The following CA10 variants were observed in gnomAD, a reference collection of about 807,000 sequenced individuals.
The protein encoded by CA10 is carbonic anhydrase-related protein 10.
A neutral mutation model predicts 44.2 loss-of-function variants in CA10; 14 were observed. The ratio of observed to expected loss-of-function variants is 0.32; its 90% CI spans 0.21 to 0.50. The LOEUF is 0.50. CA10 is among the 20% of genes least tolerant of loss of function. The pLI is 0.99. For missense variants in CA10, 350 were observed against 409.7 expected (o/e 0.85, Z 1.26); for synonymous variants, 159 against 141.6 (o/e 1.12, Z -0.87).
chr17:52,037,164 G>A (rs1056817860), intron 2 of CA10, among the ~76,000 whole-genome samples: 1 of 152,150 alleles, frequency 6.6e-6, no homozygotes, highest in Non-Finnish European at 1.5e-5. Flanking sequence ...TCAAAAGAAA[G>A]ATCTTGGCTA....
At chr17:51,994,208 T>C (rs1985144211) in intron 2 of CA10, among the ~76,000 whole-genome samples, 1 of 152,002 alleles carries the variant, frequency 6.6e-6, no homozygotes, top group South Asian at 2.1e-4. Flanking sequence ...AGCCCCATGG[T>C]CCATTGAGGT....
At position 51,682,676 on chromosome 17, in the gene CA10, A is replaced by G. The variant is rs1044280681; in HGVS notation, c.466-28940T>C. ...CCATTTACCCCACCTACCCATGGCC[A>G]TATATTCTATGAGAACATTCTGAAA... On this transcript the variant is annotated intron_variant, in intron 4 of 8. Transcript: ENST00000451037. Among the ~76,000 whole-genome samples, 3 of 152,346 alleles carry G rather than the reference A, an allele frequency of 2.0e-5. No individual in the cohort carries two copies. The East Asian group carries it at 5.8e-4, about 29-fold the overall frequency.
chr17:51,807,227 T>G (rs1598054542), intron 3 of CA10, among the ~76,000 whole-genome samples: 1 of 152,344 alleles, frequency 6.6e-6, no homozygotes, highest in African/African-American at 2.4e-5. Flanking sequence ...GCATGGAATT[T>G]GCAGCTGGAG....
chr17:51,711,092 C>T lies in CA10; in HGVS notation c.465+36541G>A, dbSNP rs141397888. Among the ~76,000 whole-genome samples, 34 of 152,002 alleles carry T rather than the reference C, an allele frequency of 2.2e-4. No homozygotes were observed. The East Asian group carries it at 6.0e-3, about 27-fold the overall frequency. On this transcript the variant is annotated intron_variant, in intron 4 of 8. Transcript: ENST00000451037. The stretch of plus-strand genomic sequence containing the variant: ...TGAAGCGAAACTTGCAAACAGAAAA[C>T]GCGACGTATAAAAGGATGCTTAGAT...
chr17:51,726,819 T>C (rs748942819), intron 4 of CA10, among the ~76,000 whole-genome samples: 4 of 152,192 alleles, frequency 2.6e-5, no homozygotes, highest in Admixed American at 6.5e-5. Flanking sequence ...AAAAAGACTT[T>C]AGAGATTTTT....
At chr17:51,916,983 T>G (rs1982025252) in intron 3 of CA10, among the ~76,000 whole-genome samples, 1 of 152,158 alleles carries the variant, frequency 6.6e-6, no homozygotes, top group Non-Finnish European at 1.5e-5. Context: ...TCCACCTGGG[T>G]TTACTTTTTA....
At chr17:51,875,006 TCTTTCTTTGTTGCCCAGG>T (rs1980004186) in intron 3 of CA10, among the ~76,000 whole-genome samples, 1 of 151,404 alleles carries the variant, frequency 6.6e-6, no homozygotes, top group Non-Finnish European at 1.5e-5. Context: ...TTTCTTAGGG[TCTTTCTTTGTTGCCCAGG>T]CTGGAGTGGT....
intron 4 of CA10, among the ~76,000 whole-genome samples, chr17:51,655,573 T>A (rs1255901712): frequency 6.6e-6 from 1 of 152,226 alleles, no homozygotes; most frequent in East Asian, 1.9e-4. Flanking sequence ...TGGGTGCTTT[T>A]AAAGCCCACC....
chr17:51,711,395 G>A (rs1267136430), intron 4 of CA10, among the ~76,000 whole-genome samples: 2 of 152,184 alleles, frequency 1.3e-5, no homozygotes, highest in Non-Finnish European at 2.9e-5. Flanking sequence ...ACAAAATCCT[G>A]CAAAGACAGA....
At chr17:51,877,541 G>T (rs1460445174) in intron 3 of CA10, among the ~76,000 whole-genome samples, 1 of 152,078 alleles carries the variant, frequency 6.6e-6, no homozygotes, top group Admixed American at 6.5e-5. Flanking sequence ...TAATGCATTA[G>T]CAGAACTACT....
intron 4 of CA10, among the ~76,000 whole-genome samples, chr17:51,708,406 T>G (rs1452694161): frequency 6.6e-6 from 1 of 152,202 alleles, no homozygotes; most frequent in Non-Finnish European, 1.5e-5. Flanking sequence ...AATTTGTTGT[T>G]GTTTATTAAA....
At chr17:51,705,635 G>A (rs1187300768) in intron 4 of CA10, among the ~76,000 whole-genome samples, 1 of 151,998 alleles carries the variant, frequency 6.6e-6, no homozygotes, top group African/African-American at 2.4e-5. Flanking sequence ...AAAAAAAAAT[G>A]CCTCAAAAGA....
chr17:51,816,054 A>G (rs1284985808), intron 3 of CA10, among the ~76,000 whole-genome samples: 2 of 151,960 alleles, frequency 1.3e-5, no homozygotes, highest in Non-Finnish European at 2.9e-5. Context: ...CCCATTAACC[A>G]TCTCCACCTC....
At chr17:51,886,666 T>A (rs1338622523) in intron 3 of CA10, among the ~76,000 whole-genome samples, 1 of 152,226 alleles carries the variant, frequency 6.6e-6, no homozygotes, top group Non-Finnish European at 1.5e-5. Context: ...TTTTTGGGTG[T>A]CTGTGTAGGT....
chr17:52,111,021 T>C (rs756506246), intron 1 of CA10, among the ~76,000 whole-genome samples: 1 of 152,172 alleles, frequency 6.6e-6, no homozygotes, highest in Non-Finnish European at 1.5e-5. Context: ...AATAAATAGT[T>C]GAACTAAATT....
intron 1 of CA10, among the ~76,000 whole-genome samples, chr17:52,083,790 C>T (rs1009235144): frequency 3.3e-5 from 5 of 151,644 alleles, no homozygotes; most frequent in Admixed American, 6.6e-5. Flanking sequence ...GGATATACCC[C>T]ATTTTCTTTA....
chr17:52,082,059 T>C (rs1271877112), intron 1 of CA10, among the ~76,000 whole-genome samples: 2 of 152,166 alleles, frequency 1.3e-5, no homozygotes, highest in Non-Finnish European at 2.9e-5. Context: ...CCTGACTAAA[T>C]TAAAGCTGTC....
At chr17:51,863,478 T>C (rs769362574) in intron 3 of CA10, among the ~76,000 whole-genome samples, 10 of 152,196 alleles carry the variant, frequency 6.6e-5, no homozygotes, top group Non-Finnish European at 1.3e-4. Flanking sequence ...GTGATTTTCT[T>C]TCTTTGATTT....
chr17:51,764,820 A>G (rs886654187), intron 3 of CA10, among the ~76,000 whole-genome samples: 4 of 152,144 alleles, frequency 2.6e-5, no homozygotes, highest in Middle Eastern at 6.8e-3. Context: ...CTAGCTCTCC[A>G]CCTATAGGGA....
Sources: allele counts gnomAD v4.1 joint callset (sites outside exome capture counted in the v4.1 genomes callset), GRCh38; gene constraint gnomAD v4.1.1; transcripts MANE v1.5; gene names NCBI Gene and HGNC (gene_info 2026-07-23, HGNC 2026-07-21).